The following KCNIP3 variants were observed in gnomAD, a reference collection of about 807,000 sequenced individuals.
KCNIP3 encodes the protein calsenilin.
A neutral mutation model predicts 35.0 loss-of-function variants in KCNIP3; 28 were observed. That is an observed-to-expected ratio of 0.80 (90% CI 0.59 to 1.10). The LOEUF (loss-of-function observed/expected upper bound fraction) is 1.10, where lower values mean the gene tolerates loss of function less well. Ranked by LOEUF, KCNIP3 falls within the 50% of genes least tolerant of loss-of-function variation. KCNIP3 has a pLI of 0.00. For missense variants in KCNIP3, 295 were observed against 338.4 expected (o/e 0.87, Z 1.01); for synonymous variants, 134 against 133.8 (o/e 1.00, Z -0.01).
At chr2:95,318,906 C>T (rs2104222899) in intron 2 of KCNIP3, among the ~76,000 whole-genome samples, 1 of 151,960 alleles carries the variant, frequency 6.6e-6, no homozygotes, top group Non-Finnish European at 1.5e-5. Flanking sequence ...ATCCCAGGAC[C>T]TGGTGCCACA....
Position 95,376,852 on chromosome 2 carries a change from G to T in KCNIP3, c.447+1644G>T, listed in dbSNP as rs1680213730. Reference sequence around the variant, plus strand: ...AGAGCCTCCTACGTGCGTCTGTAATGCAAGGCAACCCTGCATGACACTGTC... The same window carrying T: ...AGAGCCTCCTACGTGCGTCTGTAATTCAAGGCAACCCTGCATGACACTGTC... On this transcript the variant is annotated intron_variant, in intron 5 of 8. Transcript: ENST00000295225. This position sits in a 1 kb window ranked among gnomAD's most constrained non-coding sequence, Gnocchi z 4.2. Among the ~76,000 whole-genome samples, 1 of 152,182 alleles carries T rather than the reference G, an allele frequency of 6.6e-6. No homozygotes were observed. Among genetic ancestry groups the T allele is most frequent in the East Asian group, 1.9e-4 (1 of 5,196 alleles).
At chr2:95,355,795 G>A (rs1679642900) in intron 2 of KCNIP3, among the ~76,000 whole-genome samples, 1 of 152,146 alleles carries the variant, frequency 6.6e-6, no homozygotes, top group Non-Finnish European at 1.5e-5. Flanking sequence ...GAATAGTGCT[G>A]CTATAAACAT....
chr2:95,301,437 A>G (rs1455249420), intron 1 of KCNIP3, among the ~76,000 whole-genome samples: 2 of 152,242 alleles, frequency 1.3e-5, no homozygotes, highest in Non-Finnish European at 2.9e-5. Flanking sequence ...CTGCACCAGC[A>G]GACCTGGGCT....
intron 2 of KCNIP3, among the ~76,000 whole-genome samples, chr2:95,324,635 T>A (rs1415492664): frequency 1.4e-5 from 2 of 146,956 alleles, no homozygotes; most frequent in East Asian, 2.1e-4. Flanking sequence ...AGTTTTGGCC[T>A]GGCATGGTGG....
At chr2:95,326,021 TCACTCATACACACATA>T (rs1678764766) in intron 2 of KCNIP3, among the ~76,000 whole-genome samples, 2 of 138,312 alleles carry the variant, frequency 1.4e-5, no homozygotes, top group Non-Finnish European at 3.1e-5. Context: ...ACATACACAT[TCACTCATACACACATA>T]CACTCATATA....
intron 2 of KCNIP3, among the ~76,000 whole-genome samples, chr2:95,314,965 A>C (rs1223019425): frequency 2.0e-5 from 3 of 152,208 alleles, no homozygotes; most frequent in Non-Finnish European, 4.4e-5. Context: ...TGCCAGAACC[A>C]GTCTTCAGCG....
At position 95,377,588 on chromosome 2, in the gene KCNIP3, T is replaced by C. The variant is rs1573521940; in HGVS notation, c.447+2380T>C. Among the ~76,000 whole-genome samples, 1 of 152,142 alleles carries C rather than the reference T, an allele frequency of 6.6e-6. No homozygotes were observed. The highest frequency in any genetic ancestry group is 1.5e-5 in the Non-Finnish European group (1 of 68,022). On this transcript the variant is annotated intron_variant, in intron 5 of 8. Transcript: ENST00000295225. The surrounding 1 kb of genome is among the most constrained non-coding windows in gnomAD (Gnocchi z 4.7). The stretch of plus-strand genomic sequence containing the variant: ...AACAGAGGCTGTGGATGTGACAGGG[T>C]TCCTACACTTTGGCATTCAGAGCAT...
At chr2:95,374,478 G>A in intron 3 of KCNIP3, 58 bp downstream of exon 3, 3 of 1,586,958 alleles carry the variant, frequency 1.9e-6, no homozygotes, top group Non-Finnish European at 2.6e-6. Flanking sequence ...AGGGAGACCT[G>A]GAAACTTCTC....
At chr2:95,348,707 A>T (rs966771759) in intron 2 of KCNIP3, among the ~76,000 whole-genome samples, 30 of 152,204 alleles carry the variant, frequency 2.0e-4, no homozygotes, top group African/African-American at 7.2e-4. Context: ...CAAAAACCCC[A>T]TTCAGGCTCC....
At chr2:95,347,196 C>T in intron 2 of KCNIP3, 1 of 1,313,308 alleles carries the variant, frequency 7.6e-7, no homozygotes, top group South Asian at 1.3e-5. Flanking sequence ...CCAGTACCCG[C>T]ACGCCGGGGT....
At chr2:95,310,258 G>C in intron 1 of KCNIP3, 97 bp from the exon 2 acceptor site, 2 of 1,415,042 alleles carry the variant, frequency 1.4e-6, no homozygotes, top group Non-Finnish European at 2.0e-6. Context: ...GTTGTGTTCA[G>C]GCTGGCCTCA....
At chr2:95,327,898 TCTCACCCCAAACA>T (rs1022389049) in intron 2 of KCNIP3, among the ~76,000 whole-genome samples, 1 of 152,146 alleles carries the variant, frequency 6.6e-6, no homozygotes, top group Non-Finnish European at 1.5e-5. Context: ...CCCCTTCCAA[TCTCACCCCAAACA>T]CTCACCCCAA....
In KCNIP3 at chr2:95,384,093, A is replaced by C; in HGVS notation, c.*44A>C. Reference sequence around the variant, plus strand: ...CATGGCCACAGCCACCTCCACCCCCAAGAAACCTCCATCCTGCCAGGAGCA... The same window carrying C: ...CATGGCCACAGCCACCTCCACCCCCCAGAAACCTCCATCCTGCCAGGAGCA... On this transcript the variant is annotated 3_prime_UTR_variant, in exon 9 of 9. Transcript: ENST00000295225. 1.3e-6 allele frequency: 2 copies of C among 1,586,934 alleles called. No homozygotes were observed. Among genetic ancestry groups the C allele is most frequent in the East Asian group, 4.5e-5 (2 of 44,752 alleles).
At chr2:95,333,517 G>A (rs1294467762) in intron 2 of KCNIP3, among the ~76,000 whole-genome samples, 2 of 152,212 alleles carry the variant, frequency 1.3e-5, no homozygotes, top group Non-Finnish European at 1.5e-5. Flanking sequence ...TCGAAGAAGG[G>A]AATGCTTGGG....
intron 2 of KCNIP3, among the ~76,000 whole-genome samples, chr2:95,372,842 T>C (rs1680071447): frequency 6.6e-6 from 1 of 152,140 alleles, no homozygotes; most frequent in African/African-American, 2.4e-5. Context: ...ATCTTGGAGA[T>C]GGGGAGCATG....
intron 7 of KCNIP3, 82 bp from the exon 8 acceptor site, chr2:95,383,150 C>A: frequency 9.1e-7 from 1 of 1,099,148 alleles, no homozygotes; most frequent in East Asian, 2.6e-5. Context: ...TCCACCCACC[C>A]ATGACTTCTG....
chr2:95,345,226 G>A (rs1176318051), intron 2 of KCNIP3, among the ~76,000 whole-genome samples: 1 of 152,266 alleles, frequency 6.6e-6, no homozygotes, highest in African/African-American at 2.4e-5. Context: ...GGTGTCACGG[G>A]AAAGTCCCCG....
intron 2 of KCNIP3, among the ~76,000 whole-genome samples, chr2:95,347,403 C>G (rs1020734157): frequency 2.0e-5 from 3 of 152,208 alleles, no homozygotes; most frequent in African/African-American, 7.2e-5. Flanking sequence ...GTCCGGGCGC[C>G]CCTGGTGAGC....
chr2:95,366,218 G>C (rs1249086844), intron 2 of KCNIP3, among the ~76,000 whole-genome samples: 1 of 152,124 alleles, frequency 6.6e-6, no homozygotes, highest in Non-Finnish European at 1.5e-5. Flanking sequence ...CAGCCCCCAG[G>C]CAGCCACTGA....
Sources: allele counts gnomAD v4.1 joint callset (sites outside exome capture counted in the v4.1 genomes callset), GRCh38; gene constraint gnomAD v4.1.1; non-coding constraint Gnocchi (gnomAD v3.1); transcripts MANE v1.5; gene names NCBI Gene and HGNC (gene_info 2026-07-23, HGNC 2026-07-21).